Variants in PLCB1 observed in about 807,000 individuals in gnomAD.
PLCB1 encodes 1-phosphatidylinositol 4,5-bisphosphate phosphodiesterase beta-1.
A neutral mutation model predicts 161.8 loss-of-function variants in PLCB1; 46 were observed. The ratio of observed to expected loss-of-function variants is 0.28; its 90% confidence interval spans 0.22 to 0.36. PLCB1 has a LOEUF of 0.36. PLCB1 is among the 10% of genes least tolerant of loss of function. The probability of loss-of-function intolerance (pLI) is 1.00; values close to 1 mark genes in which losing one functional copy is unlikely to be tolerated. For synonymous variants in PLCB1, 517 were observed against 503.7 expected, an observed-to-expected ratio of 1.03 and a Z score of -0.35; for missense variants, 1,016 against 1,472.5, an observed-to-expected ratio of 0.69 and a Z score of 5.07.
chr20:8,744,629 A>ATAAAATAAAAT (rs1555787593), intron 23 of PLCB1, among the ~76,000 whole-genome samples: 2 of 148,352 alleles, frequency 1.3e-5, no homozygotes, highest in Non-Finnish European at 3.0e-5. Flanking sequence ...ATAAAATAAA[A>ATAAAATAAAAT]TAAAATAAAA....
intron 3 of PLCB1, among the ~76,000 whole-genome samples, chr20:8,457,172 T>G (rs1390144272): frequency 2.6e-5 from 4 of 152,178 alleles, no homozygotes; most frequent in African/African-American, 9.7e-5. Context: ...TGTAAGAGAC[T>G]CAGCTGGAAG....
intron 31 of PLCB1, among the ~76,000 whole-genome samples, chr20:8,878,684 C>A (rs1169326210): frequency 3.3e-5 from 5 of 152,100 alleles, no homozygotes; most frequent in Non-Finnish European, 7.3e-5. Context: ...CAGCCTAAGC[C>A]ATTTTTACCA....
intron 11 of PLCB1, among the ~76,000 whole-genome samples, chr20:8,708,020 G>C (rs923454838): frequency 6.6e-6 from 1 of 152,118 alleles, no homozygotes; most frequent in African/African-American, 2.4e-5. Flanking sequence ...CTAGGTGTGT[G>C]GGGTGGGGTG....
intron 3 of PLCB1, among the ~76,000 whole-genome samples, chr20:8,391,179 C>CTA (rs1987573877): frequency 1.3e-5 from 2 of 151,820 alleles, no homozygotes; most frequent in Non-Finnish European, 1.5e-5. Context: ...TCACTATAAT[C>CTA]TATGTATAAG....
chr20:8,500,675 A>G (rs990720857), intron 3 of PLCB1, among the ~76,000 whole-genome samples: 3 of 152,230 alleles, frequency 2.0e-5, no homozygotes, highest in African/African-American at 7.2e-5. Flanking sequence ...TAAGAAAGGT[A>G]AGATTTACCA....
chr20:8,644,286 T>A (rs746872350), intron 4 of PLCB1, among the ~76,000 whole-genome samples: 1,705 of 148,246 alleles, frequency 0.012, 13 homozygotes, highest in Non-Finnish European at 0.019. Flanking sequence ...CCCCTCTGCC[T>A]GGCTGCCCAG....
chr20:8,801,490 G>A (rs1245808956), intron 31 of PLCB1, among the ~76,000 whole-genome samples: 1 of 152,138 alleles, frequency 6.6e-6, no homozygotes, highest in African/African-American at 2.4e-5. Context: ...AACGGGAAGA[G>A]GCTTTGTCTG....
At chr20:8,258,973 G>A (rs944356241) in intron 2 of PLCB1, among the ~76,000 whole-genome samples, 4 of 151,988 alleles carry the variant, frequency 2.6e-5, no homozygotes, top group Non-Finnish European at 4.4e-5. Flanking sequence ...CCCTTTCTCC[G>A]GTCTCTGGCA....
At chr20:8,219,228 A>G (rs935554560) in intron 2 of PLCB1, among the ~76,000 whole-genome samples, 1 of 152,196 alleles carries the variant, frequency 6.6e-6, no homozygotes, top group Admixed American at 6.6e-5. Flanking sequence ...TGCTGTTAGA[A>G]TAACTTGCTT....
intron 2 of PLCB1, among the ~76,000 whole-genome samples, chr20:8,182,052 C>T (rs1325278197): frequency 6.6e-6 from 1 of 152,160 alleles, no homozygotes; most frequent in Non-Finnish European, 1.5e-5. Context: ...AAAACCACAT[C>T]TTTTAGTGAG....
At chr20:8,678,167 A>G (rs1990132145) in intron 9 of PLCB1, among the ~76,000 whole-genome samples, 2 of 152,214 alleles carry the variant, frequency 1.3e-5, no homozygotes, top group Non-Finnish European at 2.9e-5. Flanking sequence ...ACTATAGGGA[A>G]AATTTTAAAA....
chr20:8,260,245 ATTTTTTT>A (rs55691846), intron 2 of PLCB1, among the ~76,000 whole-genome samples: 2 of 133,560 alleles, frequency 1.5e-5, no homozygotes, highest in African/African-American at 5.5e-5. Context: ...AGCACCCAGC[ATTTTTTT>A]TTTTTTTTTC....
intron 2 of PLCB1, among the ~76,000 whole-genome samples, chr20:8,180,842 A>G (rs925029563): frequency 1.2e-4 from 19 of 152,122 alleles, no homozygotes; most frequent in African/African-American, 4.6e-4. Flanking sequence ...AACTCATGCT[A>G]TGTGTGAATA....
At chr20:8,313,858 T>C (rs143475236) in intron 2 of PLCB1, among the ~76,000 whole-genome samples, 3 of 152,332 alleles carry the variant, frequency 2.0e-5, no homozygotes, top group Non-Finnish European at 4.4e-5. Flanking sequence ...GGAAGCCTAA[T>C]ATCTGTGTCA....
chr20:8,343,566 A>G (rs1985890380), intron 2 of PLCB1, among the ~76,000 whole-genome samples: 1 of 152,166 alleles, frequency 6.6e-6, no homozygotes, highest in African/African-American at 2.4e-5. Context: ...AATTCTAAAA[A>G]TAATTACTTT....
At position 8,780,238 on chromosome 20, in the gene PLCB1, A is replaced by G. The variant is rs1191154730; in HGVS notation, c.3111+5519A>G. Among the ~76,000 whole-genome samples the G allele has an allele frequency of 9.2e-5, 14 of 152,298 alleles. No individual in the cohort carries two copies. The South Asian group carries it at 1.2e-3, about 14-fold the overall frequency. ...CTGAGGGTCCCCAATCACTCTGGGT[A>G]CTCAGCTCTACCATCACATTCTACT... On this transcript the variant is annotated intron_variant, in intron 27 of 31. Coordinates refer to ENST00000338037, the MANE Select transcript of PLCB1 (RefSeq NM_015192.4).
intron 3 of PLCB1, among the ~76,000 whole-genome samples, chr20:8,446,300 A>T (rs1035770260): frequency 7.2e-5 from 11 of 152,338 alleles, no homozygotes; most frequent in Non-Finnish European, 1.5e-4. Context: ...AGAACCAAAG[A>T]CAAAAACCAC....
intron 31 of PLCB1, among the ~76,000 whole-genome samples, chr20:8,832,014 C>T (rs1019698007): frequency 1.4e-5 from 2 of 140,098 alleles, no homozygotes; most frequent in Non-Finnish European, 3.0e-5. Context: ...TTCTTTCTTT[C>T]GTATTGCTCC....
intron 2 of PLCB1, among the ~76,000 whole-genome samples, chr20:8,340,692 G>C (rs1302786196): frequency 6.6e-6 from 1 of 152,132 alleles, no homozygotes; most frequent in African/African-American, 2.4e-5. Context: ...CCAAAGTGCT[G>C]GGATTACAGG....
Sources: allele counts gnomAD v4.1 joint callset (sites outside exome capture counted in the v4.1 genomes callset), GRCh38; gene constraint gnomAD v4.1.1; transcripts MANE v1.5; gene names NCBI Gene and HGNC (gene_info 2026-07-23, HGNC 2026-07-21).